Variants in EPHB2 observed in about 807,000 individuals in gnomAD.
EPHB2 encodes EPH receptor B2, also known as ephrin type-B receptor 2.
A neutral mutation model predicts 96.4 loss-of-function variants in EPHB2; 18 were observed. The observed-to-expected ratio is 0.19, with a 90% CI of 0.13 to 0.28. The LOEUF (loss-of-function observed/expected upper bound fraction) is 0.28. Ranked by LOEUF, EPHB2 falls within the 10% of genes least tolerant of loss-of-function variation. EPHB2 has a pLI of 1.00. For missense variants in EPHB2, 989 were observed against 1,355.4 expected, an observed-to-expected ratio of 0.73 and a Z score of 4.25; for synonymous variants, 506 against 534.1, an observed-to-expected ratio of 0.95 and a Z score of 0.72.
chr1:22,860,080 G>C lies in EPHB2; in HGVS notation c.812-2957G>C, dbSNP rs1244208046. Among the ~76,000 whole-genome samples the C allele has an allele frequency of 6.6e-6, 1 of 152,162 alleles. No homozygotes were observed. The highest frequency in any genetic ancestry group is 1.5e-5 in the Non-Finnish European group (1 of 68,034). On this transcript the variant is annotated intron_variant, in intron 3 of 15. Coordinates refer to ENST00000374630, the MANE Select transcript of EPHB2 (RefSeq NM_017449.5). The surrounding 1 kb of genome is among the most constrained non-coding windows in gnomAD (Gnocchi z 4.6). ...GATGTGTCCAGGGTTCACCTGTACCGTAGCATGTGTCAATGCTTCGTTCCT... is the reference window on the plus strand; with the variant it reads ...GATGTGTCCAGGGTTCACCTGTACCCTAGCATGTGTCAATGCTTCGTTCCT...
intron 1 of EPHB2, among the ~76,000 whole-genome samples, chr1:22,748,371 T>C (rs948309501): frequency 3.3e-5 from 5 of 150,180 alleles, no homozygotes; most frequent in Non-Finnish European, 7.4e-5. Flanking sequence ...GGGGGCTTTC[T>C]GGGTCCTTTT....
At chr1:22,806,344 C>G (rs1644924529) in intron 3 of EPHB2, among the ~76,000 whole-genome samples, 1 of 152,212 alleles carries the variant, frequency 6.6e-6, no homozygotes, top group Non-Finnish European at 1.5e-5. Flanking sequence ...TCTGTGCTCA[C>G]TGTACCTCTT....
intron 1 of EPHB2, among the ~76,000 whole-genome samples, chr1:22,759,964 A>G (rs891063262): frequency 1.3e-5 from 2 of 152,158 alleles, no homozygotes; most frequent in Admixed American, 6.5e-5. Flanking sequence ...CACCCATGCA[A>G]CATTCTCGCT....
At chr1:22,834,466 G>A (rs1197097840) in intron 3 of EPHB2, among the ~76,000 whole-genome samples, 1 of 152,074 alleles carries the variant, frequency 6.6e-6, no homozygotes, top group East Asian at 1.9e-4. Flanking sequence ...GTCAATTTGG[G>A]GACAGCAGAC....
In EPHB2 at chr1:22,790,109, A is replaced by C. The variant is rs1392825926; in HGVS notation, c.811+5033A>C. ...GGCTTCAAGGAGGGAGTAGCATTTG[A>C]ATTAGGCCTTGAAGAGTGAGTAGGA... On this transcript the variant is annotated intron_variant, in intron 3 of 15. Coordinates refer to ENST00000374630, the MANE Select transcript of EPHB2 (RefSeq NM_017449.5). This position sits in a 1 kb window ranked among gnomAD's most constrained non-coding sequence, Gnocchi z 4.0. Among the ~76,000 whole-genome samples, 2 of 152,156 alleles carry C rather than the reference A, an allele frequency of 1.3e-5. No individual in the cohort carries two copies. Among genetic ancestry groups the C allele is most frequent in the Non-Finnish European group, 2.9e-5 (2 of 68,034 alleles).
chr1:22,768,897 C>T lies in EPHB2; in HGVS notation c.62-12524C>T, dbSNP rs147910053. ...CCTCCTTTTGCCTTGCTGTCTCCTA[C>T]TCAATTTGGGGTTCAAGCCAGTTGC... On this transcript the variant is annotated intron_variant, in intron 1 of 15. Coordinates refer to ENST00000374630, the MANE Select transcript of EPHB2 (RefSeq NM_017449.5). Among the ~76,000 whole-genome samples the T allele has an allele frequency of 7.9e-5, 12 of 152,222 alleles. No homozygotes were observed. In the East Asian group the frequency reaches 1.4e-3, roughly 17 times the overall value.
In EPHB2 at chr1:22,906,173, G is replaced by A. The variant is rs946709049; in HGVS notation, c.1888+64G>A. 3.0e-5 allele frequency: 48 copies of A among 1,612,156 alleles called. No homozygotes were observed. The highest frequency in any genetic ancestry group is 1.7e-4 in the African/African-American group (13 of 74,998). Reference sequence around the variant, plus strand: ...CCATGGCTGGTGAGACCACCCCAATGTATACCCTTGGGGCAGAAGGTAGGA... The same window carrying A: ...CCATGGCTGGTGAGACCACCCCAATATATACCCTTGGGGCAGAAGGTAGGA... On this transcript the variant is annotated intron_variant, in intron 10 of 15. Coordinates refer to ENST00000374630, the MANE Select transcript of EPHB2 (RefSeq NM_017449.5). The surrounding 1 kb of genome is among the most constrained non-coding windows in gnomAD (Gnocchi z 4.8).
intron 3 of EPHB2, among the ~76,000 whole-genome samples, chr1:22,823,698 AC>A (rs1557696394): frequency 6.6e-6 from 1 of 152,228 alleles, no homozygotes; most frequent in Non-Finnish European, 1.5e-5. Context: ...AAGTAACTTC[AC>A]CTCTTTCAAT....
At chr1:22,738,639 C>T (rs973012486) in intron 1 of EPHB2, among the ~76,000 whole-genome samples, 2 of 152,234 alleles carry the variant, frequency 1.3e-5, no homozygotes, top group African/African-American at 4.8e-5. Flanking sequence ...CATTCATTAT[C>T]GAGCCATTCA....
chr1:22,853,666 G>A (rs1043853435), intron 3 of EPHB2, among the ~76,000 whole-genome samples: 1 of 152,262 alleles, frequency 6.6e-6, no homozygotes, highest in South Asian at 2.1e-4. Flanking sequence ...CTGAGCAAAG[G>A]CCCAGAGGCG....
intron 1 of EPHB2, among the ~76,000 whole-genome samples, chr1:22,773,095 C>A (rs1209386224): frequency 6.6e-6 from 1 of 152,208 alleles, no homozygotes; most frequent in East Asian, 1.9e-4. Context: ...TATGGTCCAG[C>A]CTTTGCATAC....
intron 4 of EPHB2, among the ~76,000 whole-genome samples, chr1:22,863,597 C>T (rs574112872): frequency 1.2e-4 from 18 of 152,332 alleles, no homozygotes; most frequent in Admixed American, 4.6e-4. Context: ...GAGAACGCAG[C>T]GTCACAACCC....
chr1:22,912,720 A>G, intron 15 of EPHB2, 121 bp downstream of exon 15: 1 of 1,498,878 alleles, frequency 6.7e-7, no homozygotes, highest in Non-Finnish European at 9.1e-7. Flanking sequence ...AGCAGGGACC[A>G]AGGGGCAAGA....
intron 1 of EPHB2, among the ~76,000 whole-genome samples, chr1:22,720,673 C>A (rs1247330423): frequency 8.2e-6 from 1 of 122,402 alleles, no homozygotes; most frequent in Admixed American, 8.0e-5. Context: ...CCCCCCCCCC[C>A]GCCCCAGCAC....
intron 14 of EPHB2, among the ~76,000 whole-genome samples, chr1:22,911,459 C>T (rs1420558694): frequency 1.3e-5 from 2 of 152,194 alleles, no homozygotes; most frequent in Admixed American, 6.5e-5. Context: ...ACTCACCATA[C>T]ACCCATCTGT....
chr1:22,716,188 T>TC (rs1218552268), intron 1 of EPHB2, among the ~76,000 whole-genome samples: 1 of 152,206 alleles, frequency 6.6e-6, no homozygotes, highest in East Asian at 1.9e-4. Context: ...GGGACTGTCA[T>TC]CTGGGGTCCC....
intron 5 of EPHB2, among the ~76,000 whole-genome samples, chr1:22,881,518 C>G (rs1473963413): frequency 6.6e-6 from 1 of 152,130 alleles, no homozygotes. Flanking sequence ...GTTCATGCCA[C>G]TGCACTCCAG....
chr1:22,753,945 G>A (rs1232293760), intron 1 of EPHB2, among the ~76,000 whole-genome samples: 4 of 152,176 alleles, frequency 2.6e-5, no homozygotes, highest in Middle Eastern at 3.4e-3. Context: ...ATGAGTCTTC[G>A]TTCACCAAAA....
intron 3 of EPHB2, among the ~76,000 whole-genome samples, chr1:22,824,592 C>T (rs566373952): frequency 6.6e-6 from 1 of 152,370 alleles, no homozygotes; most frequent in South Asian, 2.1e-4. Flanking sequence ...GAGGCTGGGC[C>T]TGCCATTGGG....
Sources: gnomAD v4.1 joint callset for allele counts (sites outside exome capture counted in the v4.1 genomes callset) on GRCh38, gnomAD v4.1.1 for gene constraint, Gnocchi (gnomAD v3.1) non-coding constraint, MANE v1.5 for transcripts, NCBI Gene and HGNC (gene_info 2026-07-23, HGNC 2026-07-21) for gene names.